DAPK1: variants seen among roughly 807,000 people sequenced by gnomAD.
DAPK1 encodes death associated protein kinase 1, also known as death-associated protein kinase 1.
Under a neutral mutation model 144.9 loss-of-function variants are expected in DAPK1, and 56 were observed. The observed-to-expected ratio is 0.39, with a 90% confidence interval of 0.31 to 0.48. DAPK1 has a LOEUF of 0.48. Among genes scored for constraint, DAPK1 ranks in the 20% least tolerant of loss-of-function variants. The pLI, the probability that DAPK1 is intolerant of heterozygous loss-of-function variation, is 0.95. For synonymous variants in DAPK1, 690 were observed against 749.0 expected (o/e 0.92, Z 1.29); for missense variants, 1,454 against 1,875.4 (o/e 0.78, Z 4.15).
rs1554700256 is a variant in DAPK1 at position 87,662,569 on chromosome 9, T to TTTTG, written c.1923+4445_1923+4446insGTTT. Among the ~76,000 whole-genome samples, 35 of 133,846 alleles carry TTTTG rather than the reference T, an allele frequency of 2.6e-4. 3 individuals are homozygous for TTTTG. In the Middle Eastern group the frequency reaches 0.015, roughly 57 times the overall value. The allele number at this position is 133,846 out of a possible 152,430, so 87.8% of individuals were successfully genotyped here. A position where few individuals can be genotyped will look rare whatever the true frequency, so the allele number is the denominator to read the frequency against. ...GTTAAATATATTCCTAGTTTTTTTT[T>TTTTG]TTTTTTTTTTTTTTTTGGTAGCTAT... On this transcript the variant is annotated intron_variant, in intron 18 of 25. Transcript: ENST00000408954.
At chr9:87,564,573 G>A (rs1563996720) in intron 2 of DAPK1, among the ~76,000 whole-genome samples, 1 of 150,864 alleles carries the variant, frequency 6.6e-6, no homozygotes, top group Non-Finnish European at 1.5e-5. Context: ...AAGGCAAGAG[G>A]GATGGGGAGG....
intron 18 of DAPK1, among the ~76,000 whole-genome samples, chr9:87,659,452 C>A (rs1230641092): frequency 6.6e-6 from 1 of 152,208 alleles, no homozygotes; most frequent in East Asian, 1.9e-4. Context: ...CATTTATATG[C>A]ATTTTCAAGA....
intron 4 of DAPK1, among the ~76,000 whole-genome samples, chr9:87,638,536 C>T (rs573225942): frequency 1.5e-4 from 23 of 152,274 alleles, no homozygotes; most frequent in Admixed American, 3.3e-4. Flanking sequence ...GGATGCAGGA[C>T]GCTGTTGGAG....
intron 2 of DAPK1, among the ~76,000 whole-genome samples, chr9:87,586,422 A>G (rs189393189): frequency 1.1e-3 from 162 of 152,278 alleles, no homozygotes; most frequent in African/African-American, 3.8e-3. Flanking sequence ...TAAAATTTAA[A>G]TGTATGTATA....
intron 11 of DAPK1, among the ~76,000 whole-genome samples, chr9:87,645,218 A>G (rs529833691): frequency 6.6e-6 from 1 of 152,002 alleles, no homozygotes; most frequent in Non-Finnish European, 1.5e-5. Flanking sequence ...AGTGGCAAAG[A>G]TTTTTCCAGT....
chr9:87,578,811 C>A (rs138624357), intron 2 of DAPK1, among the ~76,000 whole-genome samples: 35 of 152,330 alleles, frequency 2.3e-4, no homozygotes, highest in African/African-American at 8.2e-4. Context: ...CTTTCAGAGT[C>A]ATGTTTATCT....
intron 3 of DAPK1, among the ~76,000 whole-genome samples, chr9:87,620,584 GAGGGGAGGAGGA>G (rs1353545508): frequency 6.7e-6 from 1 of 149,126 alleles, no homozygotes; most frequent in Non-Finnish European, 1.5e-5. Context: ...GGGGGAGGGA[GAGGGGAGGAGGA>G]AGGGGAGGAG....
At chr9:87,646,440 T>A (rs1190488392) in intron 12 of DAPK1, 21 bp from the exon 13 acceptor site, 1 of 1,581,304 alleles carries the variant, frequency 6.3e-7, no homozygotes, top group Non-Finnish European at 8.7e-7. Context: ...AAATTAGTAA[T>A]TTTTTTCTTG....
At chr9:87,548,714 C>T (rs1010807268) in intron 2 of DAPK1, among the ~76,000 whole-genome samples, 2 of 152,150 alleles carry the variant, frequency 1.3e-5, no homozygotes, top group African/African-American at 4.8e-5. Flanking sequence ...CTTGGGAACA[C>T]AGTACTGATG....
At chr9:87,515,591 C>A (rs1274414352) in intron 2 of DAPK1, among the ~76,000 whole-genome samples, 3 of 152,044 alleles carry the variant, frequency 2.0e-5, no homozygotes, top group Admixed American at 6.6e-5. Context: ...CTCAGCTGTC[C>A]AATAGCAGAG....
At chr9:87,672,443 G>A (rs1824206959) in intron 19 of DAPK1, among the ~76,000 whole-genome samples, 1 of 152,130 alleles carries the variant, frequency 6.6e-6, no homozygotes, top group South Asian at 2.1e-4. Context: ...GGGCTCGGGG[G>A]GCTCCAGGGC....
At chr9:87,681,319 A>G (rs1211062916) in intron 19 of DAPK1, 85 bp from the exon 20 acceptor site, 2 of 772,672 alleles carry the variant, frequency 2.6e-6, no homozygotes, top group Admixed American at 2.2e-5. Context: ...ATGGGTAAAA[A>G]CTGCACACCG....
chr9:87,707,263 G>C lies in DAPK1; in HGVS notation c.4192G>C (p.Val1398Leu). ...AGACTTTTTGCTGAAGGCATCCTCTGTGTTCAAAATCAACCTGGATGGCAA... is the reference window on the plus strand; with the variant it reads ...AGACTTTTTGCTGAAGGCATCCTCTCTGTTCAAAATCAACCTGGATGGCAA... Reference protein sequence around the residue: ...AADFLLKASSVFKINLDGNGQ... With the variant: ...AADFLLKASSLFKINLDGNGQ... Residue 1398 changes from valine to leucine, a missense_variant, in exon 26 of 26, where the codon GTG (valine) becomes CTG (leucine). By Grantham distance (32) the Val-to-Leu change is conservative. Coordinates refer to ENST00000408954, the MANE Select transcript of DAPK1 (RefSeq NM_004938.4). The surrounding 1 kb of genome is among the most constrained non-coding windows in gnomAD (Gnocchi z 4.0). 2 of 1,614,086 alleles carry C rather than the reference G, an allele frequency of 1.2e-6. No individual in the cohort carries two copies. The highest frequency in any genetic ancestry group is 8.5e-7 in the Non-Finnish European group (1 of 1,179,972).
chr9:87,634,495 C>T (rs776650188), intron 3 of DAPK1, among the ~76,000 whole-genome samples: 2 of 152,170 alleles, frequency 1.3e-5, no homozygotes, highest in African/African-American at 2.4e-5. Context: ...GGCCCCCAGT[C>T]CATGAAAAGC....
chr9:87,684,284 C>T (rs12378493), intron 20 of DAPK1, among the ~76,000 whole-genome samples: 2 of 152,204 alleles, frequency 1.3e-5, no homozygotes, highest in East Asian at 1.9e-4. Context: ...GGCCTGGTTC[C>T]TGAAGCAGCA....
At chr9:87,565,982 G>C (rs11141890) in intron 2 of DAPK1, among the ~76,000 whole-genome samples, 7,468 of 151,408 alleles carry the variant, frequency 0.049, 574 homozygotes, top group African/African-American at 0.17. Context: ...TAGTGGCAGT[G>C]CTGAGATTTG....
At chr9:87,687,064 T>C (rs916925505) in intron 21 of DAPK1, 1 of 153,540 alleles carries the variant, frequency 6.5e-6, no homozygotes, top group Non-Finnish European at 1.4e-5. Context: ...AGAATGTGTA[T>C]GTAATGATCA....
intron 18 of DAPK1, among the ~76,000 whole-genome samples, chr9:87,658,906 C>G (rs1830728009): frequency 1.3e-5 from 2 of 152,202 alleles, no homozygotes; most frequent in African/African-American, 4.8e-5. Context: ...ACCAAGAGGG[C>G]CTCATTTCCT....
intron 2 of DAPK1, among the ~76,000 whole-genome samples, chr9:87,600,348 G>A (rs1828473135): frequency 6.6e-6 from 1 of 152,238 alleles, no homozygotes; most frequent in African/African-American, 2.4e-5. Flanking sequence ...GACTTTGGGT[G>A]GCCGAGGTGG....
Sources: gnomAD v4.1 joint callset for allele counts (sites outside exome capture counted in the v4.1 genomes callset) on GRCh38, gnomAD v4.1.1 for gene constraint, Gnocchi (gnomAD v3.1) non-coding constraint, MANE v1.5 for transcripts, NCBI Gene and HGNC (gene_info 2026-07-23, HGNC 2026-07-21) for gene names.